LOXL2: variants seen among roughly 807,000 people sequenced by gnomAD.
LOXL2 encodes lysyl oxidase homolog 2.
A neutral mutation model predicts 93.0 loss-of-function variants in LOXL2; 70 were observed. That is an observed-to-expected ratio of 0.75 (90% CI 0.62 to 0.92). The LOEUF (loss-of-function observed/expected upper bound fraction) is 0.92. Ranked by LOEUF, LOXL2 falls within the 40% of genes least tolerant of loss-of-function variation. The pLI, the probability that LOXL2 is intolerant of heterozygous loss-of-function variation, is 0.00. For missense variants in LOXL2, 973 were observed against 1,054.9 expected (o/e 0.92, Z 1.08); for synonymous variants, 438 against 413.2 (o/e 1.06, Z -0.73).
chr8:23,371,613 A>G (rs573261037), intron 1 of LOXL2, among the ~76,000 whole-genome samples: 15 of 151,678 alleles, frequency 9.9e-5, no homozygotes, highest in Admixed American at 2.6e-4. Context: ...TTAGCCGGGC[A>G]TGGTGGCGGG....
chr8:23,304,231 C>T (rs904013979), intron 10 of LOXL2, among the ~76,000 whole-genome samples: 2 of 152,206 alleles, frequency 1.3e-5, no homozygotes, highest in East Asian at 1.9e-4. Flanking sequence ...GTTTACATAA[C>T]GAGGCTCCCT....
intron 1 of LOXL2, among the ~76,000 whole-genome samples, chr8:23,382,677 T>C (rs1804697522): frequency 6.6e-6 from 1 of 152,054 alleles, no homozygotes; most frequent in African/African-American, 2.4e-5. Flanking sequence ...TGAACAAGAC[T>C]ATTATTATGG....
intron 9 of LOXL2, among the ~76,000 whole-genome samples, chr8:23,316,131 AT>A (rs1490569195): frequency 6.6e-6 from 1 of 152,172 alleles, no homozygotes; most frequent in African/African-American, 2.4e-5. Context: ...CTGCTGTTCA[AT>A]CCCGCGTTCT....
In LOXL2 at chr8:23,368,812, C is replaced by A. The variant is rs577962937; in HGVS notation, c.-83-378G>T. Among the ~76,000 whole-genome samples the A allele has an allele frequency of 2.6e-5, 4 of 152,206 alleles. No individual in the cohort carries two copies. In the East Asian group the frequency reaches 7.7e-4, roughly 29 times the overall value. Reference sequence around the variant, plus strand: ...GTGACCACCCTAGGCTTGAAGGGAGCCTGCGGGGGTGAGAACTGGAGACTG... The same window carrying A: ...GTGACCACCCTAGGCTTGAAGGGAGACTGCGGGGGTGAGAACTGGAGACTG... On this transcript the variant is annotated intron_variant, in intron 1 of 13. Transcript: ENST00000389131.
chr8:23,305,446 CA>C (rs1296389492), intron 10 of LOXL2, among the ~76,000 whole-genome samples: 1 of 152,162 alleles, frequency 6.6e-6, no homozygotes, highest in African/African-American at 2.4e-5. Context: ...CGTATGCGGT[CA>C]TCCCTCCCTA....
rs764893087 is a variant in LOXL2 at position 23,341,013 on chromosome 8, G to A, written c.722C>T (p.Thr241Ile). 3.7e-6 allele frequency: 6 copies of A among 1,614,044 alleles called. No individual in the cohort carries two copies. In the African/African-American group the frequency reaches 8.0e-5, roughly 22 times the overall value. The change falls in exon 4 of 14, where the codon ACA becomes ATA. Residue 241 changes from threonine (T) to isoleucine (I), a missense_variant. Coordinates refer to ENST00000389131, the MANE Select transcript of LOXL2 (RefSeq NM_002318.3). ...CGMFGFPGER[T>I]YNTKVYKMFA... ...TTACTTGTACACTTTGGTATTGTAT[G>A]TCCTCTCCCCAGGGAAGCCAAACAT...
At chr8:23,400,352 T>C (rs540162759) in intron 1 of LOXL2, among the ~76,000 whole-genome samples, 19 of 152,214 alleles carry the variant, frequency 1.2e-4, no homozygotes, top group African/African-American at 4.1e-4. Flanking sequence ...ACATCTTACA[T>C]GGTGGCAGGC....
chr8:23,382,681 A>C (rs1381575160), intron 1 of LOXL2, among the ~76,000 whole-genome samples: 1 of 152,084 alleles, frequency 6.6e-6, no homozygotes, highest in East Asian at 1.9e-4. Context: ...CAAGACTATT[A>C]TTATGGGCTA....
At chr8:23,305,223 T>C (rs529671779) in intron 10 of LOXL2, among the ~76,000 whole-genome samples, 10 of 152,266 alleles carry the variant, frequency 6.6e-5, no homozygotes, top group African/African-American at 2.2e-4. Flanking sequence ...GAGAAATAGG[T>C]TGATGCTCCG....
intron 12 of LOXL2, among the ~76,000 whole-genome samples, chr8:23,301,822 G>A (rs570486646): frequency 6.8e-4 from 104 of 152,320 alleles, no homozygotes; most frequent in African/African-American, 2.4e-3. Context: ...GGTGTCTCTG[G>A]TCCTGTGCAC....
intron 8 of LOXL2, among the ~76,000 whole-genome samples, chr8:23,319,174 G>T (rs1237119873): frequency 6.6e-6 from 1 of 152,166 alleles, no homozygotes. Context: ...GGACAACTGA[G>T]GCAGGGAAGG....
Position 23,333,405 on chromosome 8 carries a change from G to T in LOXL2, c.962C>A (p.Pro321Gln). The T allele has an allele frequency of 6.2e-7, 1 of 1,613,734 alleles. No homozygotes were observed. Among genetic ancestry groups the T allele is most frequent in the South Asian group, 1.1e-5 (1 of 91,084 alleles). The change falls in exon 5 of 14, where the codon CCA (proline) becomes CAA (glutamine). Residue 321 changes from proline to glutamine, a missense_variant. Transcript: ENST00000389131. ...CACCTCGTGCCCCGTCCTCACCTCT[G>T]GCTTGTACGCTTTCCGGAATCTTGA... ...GPSRFRKAYK[P>Q]EQPLVRLRGG...
chr8:23,350,981 C>T (rs952481382), intron 3 of LOXL2, among the ~76,000 whole-genome samples: 2 of 152,150 alleles, frequency 1.3e-5, no homozygotes, highest in Non-Finnish European at 2.9e-5. Flanking sequence ...CACCACACAA[C>T]CTCATGGTGA....
At chr8:23,335,302 A>T (rs1803771761) in intron 4 of LOXL2, among the ~76,000 whole-genome samples, 1 of 152,082 alleles carries the variant, frequency 6.6e-6, no homozygotes, top group Non-Finnish European at 1.5e-5. Flanking sequence ...ACCTCTGGTG[A>T]TCTGGCCACC....
chr8:23,401,447 T>C (rs1393340946), intron 1 of LOXL2, among the ~76,000 whole-genome samples: 1 of 152,218 alleles, frequency 6.6e-6, no homozygotes, highest in Non-Finnish European at 1.5e-5. Context: ...GTAAAATCTT[T>C]AGAAATCACA....
At chr8:23,309,003 G>C (rs961123927) in intron 10 of LOXL2, among the ~76,000 whole-genome samples, 5 of 110,724 alleles carry the variant, frequency 4.5e-5, no homozygotes, top group Non-Finnish European at 5.7e-5. Context: ...TTTTTTTTTT[G>C]AGACAGAGCC....
chr8:23,376,420 C>G (rs1804594414), intron 1 of LOXL2, among the ~76,000 whole-genome samples: 1 of 151,818 alleles, frequency 6.6e-6, no homozygotes, highest in East Asian at 2.0e-4. Context: ...TGTGTCTCTG[C>G]CAGGCTTTGG....
chr8:23,338,743 T>C (rs1803836089), intron 4 of LOXL2, among the ~76,000 whole-genome samples: 2 of 152,174 alleles, frequency 1.3e-5, no homozygotes, highest in Admixed American at 1.3e-4. Flanking sequence ...CTTCCAGACC[T>C]CTGCAGTCCT....
intron 5 of LOXL2, among the ~76,000 whole-genome samples, chr8:23,332,914 C>CAA (rs112187189): frequency 2.7e-5 from 4 of 149,716 alleles, no homozygotes; most frequent in African/African-American, 9.9e-5. Context: ...ACACCCCCCC[C>CAA]ACAGAGGGGG....
Sources: gnomAD v4.1 joint callset for allele counts (sites outside exome capture counted in the v4.1 genomes callset) on GRCh38, gnomAD v4.1.1 for gene constraint, MANE v1.5 for transcripts, NCBI Gene and HGNC (gene_info 2026-07-23, HGNC 2026-07-21) for gene names.